The following RASAL2 variants were observed in gnomAD, a reference collection of about 807,000 sequenced individuals.
RASAL2 encodes the protein RAS protein activator like 2, also known as ras GTPase-activating protein nGAP.
Under a neutral mutation model 128.9 loss-of-function variants are expected in RASAL2, and 58 were observed. That is an observed-to-expected ratio of 0.45 (90% CI 0.36 to 0.56). The LOEUF is 0.56. Ranked by LOEUF, RASAL2 falls within the 20% of genes least tolerant of loss-of-function variation. The pLI, the probability that RASAL2 is intolerant of heterozygous loss-of-function variation, is 0.00. For missense variants in RASAL2, 1,360 were observed against 1,601.6 expected (o/e 0.85, Z 2.57); for synonymous variants, 561 against 580.8 (o/e 0.97, Z 0.49).
intron 1 of RASAL2, among the ~76,000 whole-genome samples, chr1:178,165,161 C>G (rs189484039): frequency 6.6e-6 from 1 of 151,820 alleles, no homozygotes; most frequent in East Asian, 1.9e-4. Flanking sequence ...CCACAGATAT[C>G]AAAGTAAAAC....
At chr1:178,200,384 C>T (rs1018006523) in intron 1 of RASAL2, among the ~76,000 whole-genome samples, 2 of 152,156 alleles carry the variant, frequency 1.3e-5, no homozygotes, top group Non-Finnish European at 1.5e-5. Context: ...ATGCGCTGCT[C>T]CTGAGAGGCA....
intron 3 of RASAL2, among the ~76,000 whole-genome samples, chr1:178,300,607 T>C (rs1244841418): frequency 6.6e-6 from 1 of 152,156 alleles, no homozygotes; most frequent in Non-Finnish European, 1.5e-5. Context: ...TGGACTATGG[T>C]TGGAGTGGGT....
intron 1 of RASAL2, among the ~76,000 whole-genome samples, chr1:178,102,469 A>G (rs1482656173): frequency 6.6e-6 from 1 of 152,116 alleles, no homozygotes; most frequent in African/African-American, 2.4e-5. Flanking sequence ...GGATCCTTCC[A>G]CCTCAGCCTC....
chr1:178,258,763 A>G (rs1298314388), intron 1 of RASAL2, among the ~76,000 whole-genome samples: 1 of 152,230 alleles, frequency 6.6e-6, no homozygotes, highest in Non-Finnish European at 1.5e-5. Context: ...AAGTTATATA[A>G]CCAAGAGAAA....
At chr1:178,322,569 TTC>T (rs1443292840) in intron 3 of RASAL2, among the ~76,000 whole-genome samples, 1 of 152,198 alleles carries the variant, frequency 6.6e-6, no homozygotes, top group Non-Finnish European at 1.5e-5. Flanking sequence ...TGGTGGTTGG[TTC>T]TGTTAATATG....
intron 1 of RASAL2, among the ~76,000 whole-genome samples, chr1:178,215,580 T>C (rs1322673689): frequency 1.3e-5 from 2 of 152,240 alleles, no homozygotes; most frequent in Non-Finnish European, 2.9e-5. Context: ...ATAAAAGTTA[T>C]ATTCATCATC....
intron 1 of RASAL2, among the ~76,000 whole-genome samples, chr1:178,116,285 C>T (rs1294586601): frequency 6.6e-6 from 1 of 152,146 alleles, no homozygotes; most frequent in Non-Finnish European, 1.5e-5. Flanking sequence ...GTAGTAGAAA[C>T]TGCTCATTGA....
chr1:178,198,305 T>A (rs1159099497), intron 1 of RASAL2, among the ~76,000 whole-genome samples: 1 of 152,176 alleles, frequency 6.6e-6, no homozygotes, highest in Non-Finnish European at 1.5e-5. Flanking sequence ...GTTGAACTAG[T>A]TTACACTCCC....
intron 1 of RASAL2, 35 bp downstream of exon 1, chr1:178,094,729 T>G: frequency 6.2e-7 from 1 of 1,610,530 alleles, no homozygotes; most frequent in Non-Finnish European, 8.5e-7. Context: ...GGCTGGTGTT[T>G]CCTATTTTTG....
chr1:178,318,800 G>A (rs1182019352), intron 3 of RASAL2, among the ~76,000 whole-genome samples: 2 of 151,870 alleles, frequency 1.3e-5, no homozygotes, highest in Non-Finnish European at 2.9e-5. Flanking sequence ...TATATTTAAA[G>A]TTAATATTGT....
At chr1:178,156,602 C>G (rs1041102922) in intron 1 of RASAL2, among the ~76,000 whole-genome samples, 1 of 152,100 alleles carries the variant, frequency 6.6e-6, no homozygotes, top group African/African-American at 2.4e-5. Flanking sequence ...ATATGAGTCA[C>G]AAACTTCAAC....
At chr1:178,278,527 T>C (rs1430910804) in intron 1 of RASAL2, among the ~76,000 whole-genome samples, 4 of 152,216 alleles carry the variant, frequency 2.6e-5, no homozygotes, top group African/African-American at 9.6e-5. Flanking sequence ...TAACATATCA[T>C]GTCAGAATTT....
chr1:178,157,438 C>T (rs1408985352), intron 1 of RASAL2, among the ~76,000 whole-genome samples: 1 of 152,160 alleles, frequency 6.6e-6, no homozygotes, highest in Non-Finnish European at 1.5e-5. Context: ...GCCATTTTAC[C>T]ACCTAGTTTT....
chr1:178,265,775 C>A (rs1209522747), intron 1 of RASAL2, among the ~76,000 whole-genome samples: 1 of 152,158 alleles, frequency 6.6e-6, no homozygotes, highest in East Asian at 1.9e-4. Flanking sequence ...TATGTCCTGT[C>A]CCAGACACTT....
At chr1:178,326,187 T>G (rs921661489) in intron 3 of RASAL2, among the ~76,000 whole-genome samples, 1 of 152,216 alleles carries the variant, frequency 6.6e-6, no homozygotes, top group African/African-American at 2.4e-5. Context: ...AAATTAATTT[T>G]GCAGAATCTC....
chr1:178,094,454 C>T lies in RASAL2; in HGVS notation c.-39C>T, dbSNP rs1416994950. 2.0e-6 allele frequency: 3 copies of T among 1,504,866 alleles called. No individual in the cohort carries two copies. The highest frequency in any genetic ancestry group is 2.7e-6 in the Non-Finnish European group (3 of 1,128,400). The allele number at this position is 1,504,866 out of a possible 1,614,324, so 93.2% of individuals were successfully genotyped here. A position where few individuals can be genotyped will look rare whatever the true frequency, so the allele number is the denominator to read the frequency against. On this transcript the variant is annotated 5_prime_UTR_variant, in exon 1 of 18. Coordinates refer to ENST00000367649, the MANE Select transcript of RASAL2 (RefSeq NM_170692.4). ...CGCGGAGCCGCGCGCCAGCCCGCCCCGAAGCCGCCGCCTCGTCCCCCTCCC... is the reference window on the plus strand; with the variant it reads ...CGCGGAGCCGCGCGCCAGCCCGCCCTGAAGCCGCCGCCTCGTCCCCCTCCC...
intron 1 of RASAL2, among the ~76,000 whole-genome samples, chr1:178,178,109 T>C (rs1214773450): frequency 6.6e-6 from 1 of 152,098 alleles, no homozygotes; most frequent in Non-Finnish European, 1.5e-5. Flanking sequence ...GTTTGAGTGC[T>C]TCTTAACACT....
At position 178,388,943 on chromosome 1, in the gene RASAL2, CT is replaced by C. The variant is rs536350487; in HGVS notation, c.458-1154del. On this transcript the variant is annotated intron_variant, in intron 3 of 17. Coordinates refer to ENST00000367649, the MANE Select transcript of RASAL2 (RefSeq NM_170692.4). Reference sequence around the variant, plus strand: ...TGAATAGCTGCAGTCCTGTGTATTTCTTTCTTGCTTGCTCTCTGCAAGCTGT... The same window carrying C: ...TGAATAGCTGCAGTCCTGTGTATTTCTTCTTGCTTGCTCTCTGCAAGCTGT... 2.0e-5 allele frequency among the ~76,000 whole-genome samples: 3 copies of C among 152,236 alleles called. No individual in the cohort carries two copies. In the South Asian group the frequency reaches 6.2e-4, roughly 32 times the overall value.
intron 1 of RASAL2, among the ~76,000 whole-genome samples, chr1:178,216,844 G>A (rs532881842): frequency 6.6e-6 from 1 of 152,304 alleles, no homozygotes; most frequent in East Asian, 1.9e-4. Flanking sequence ...ATCAGAAGTT[G>A]AAGAAGATAG....
Sources: allele counts gnomAD v4.1 joint callset (sites outside exome capture counted in the v4.1 genomes callset), GRCh38; gene constraint gnomAD v4.1.1; transcripts MANE v1.5; gene names NCBI Gene and HGNC (gene_info 2026-07-23, HGNC 2026-07-21).